Variants in ZRANB3 observed in about 807,000 individuals in gnomAD.
ZRANB3 encodes the protein zinc finger RANBP2-type containing 3, also known as DNA annealing helicase and endonuclease ZRANB3.
A neutral mutation model predicts 133.8 loss-of-function variants in ZRANB3; 125 were observed. That is an observed-to-expected ratio of 0.93 (90% CI 0.81 to 1.08). The LOEUF (loss-of-function observed/expected upper bound fraction) is 1.08. ZRANB3 is among the 50% of genes least tolerant of loss of function. The pLI is 0.00. For missense variants in ZRANB3, 1,229 were observed against 1,275.5 expected, an observed-to-expected ratio of 0.96 and a Z score of 0.56; for synonymous variants, 387 against 432.7, an observed-to-expected ratio of 0.89 and a Z score of 1.31.
Position 135,434,961 on chromosome 2 carries a change from CTCT to C in ZRANB3, c.162-44144_162-44142del, listed in dbSNP as rs373026022. Among the ~76,000 whole-genome samples, 46 of 151,682 alleles carry C rather than the reference CTCT, an allele frequency of 3.0e-4. 1 individual carries two copies. The East Asian group carries it at 8.7e-3, about 29-fold the overall frequency. On this transcript the variant is annotated intron_variant, in intron 2 of 20. Transcript: ENST00000264159. Reference sequence around the variant, plus strand: ...AAAACAGAAAATAATTTTCTTTTCTCTCTTTTTTTTTTAAGAGTTAAACTTTTT... The same window carrying C: ...AAAACAGAAAATAATTTTCTTTTCTCTTTTTTTTTAAGAGTTAAACTTTTT...
intron 6 of ZRANB3, among the ~76,000 whole-genome samples, chr2:135,333,128 A>C (rs1247347477): frequency 1.3e-5 from 2 of 152,182 alleles, no homozygotes; most frequent in Non-Finnish European, 1.5e-5. Context: ...CTACCACACT[A>C]ATCTCATTCT....
chr2:135,316,124 A>G (rs1432034627), intron 6 of ZRANB3, among the ~76,000 whole-genome samples: 1 of 152,254 alleles, frequency 6.6e-6, no homozygotes, highest in Non-Finnish European at 1.5e-5. Context: ...AGAGAGAATG[A>G]GAGGAGACAT....
At chr2:135,294,924 T>G (rs900183809) in intron 8 of ZRANB3, among the ~76,000 whole-genome samples, 1 of 152,232 alleles carries the variant, frequency 6.6e-6, no homozygotes, top group African/African-American at 2.4e-5. Context: ...AGTTTCTTAA[T>G]CCTGAGTTTT....
intron 12 of ZRANB3, among the ~76,000 whole-genome samples, chr2:135,258,806 G>T (rs1679791229): frequency 6.6e-6 from 1 of 152,162 alleles, no homozygotes; most frequent in Non-Finnish European, 1.5e-5. Flanking sequence ...AGAAAGAAGA[G>T]ATTTTGGACA....
chr2:135,515,914 A>G (rs941648600), intron 1 of ZRANB3, among the ~76,000 whole-genome samples: 6 of 152,160 alleles, frequency 3.9e-5, no homozygotes, highest in African/African-American at 1.4e-4. Context: ...TGGAAGTCTA[A>G]GTCTCTTTGT....
At chr2:135,369,917 T>C (rs1049582714) in intron 3 of ZRANB3, among the ~76,000 whole-genome samples, 1 of 152,120 alleles carries the variant, frequency 6.6e-6, no homozygotes, top group Non-Finnish European at 1.5e-5. Flanking sequence ...AATAGTATCA[T>C]AGACTTTATA....
chr2:135,418,936 T>C (rs754998708), intron 2 of ZRANB3, among the ~76,000 whole-genome samples: 5,802 of 103,798 alleles, frequency 0.056, 213 homozygotes, highest in Middle Eastern at 0.13. Flanking sequence ...TTTTTTTTTT[T>C]TTTTTTTTTT....
intron 1 of ZRANB3, among the ~76,000 whole-genome samples, chr2:135,505,303 C>T (rs539910171): frequency 2.0e-5 from 3 of 152,182 alleles, no homozygotes; most frequent in South Asian, 2.1e-4. Flanking sequence ...GGGCCAGGCG[C>T]GGTGGCTCAC....
rs59739293 is a variant in ZRANB3, at chr2:135,287,670, C to CTTT, written c.967-11918_967-11916dup. Among the ~76,000 whole-genome samples, 543 of 98,038 alleles carry CTTT rather than the reference C, an allele frequency of 5.5e-3. 19 individuals carry two copies. Among genetic ancestry groups the CTTT allele is most frequent in the African/African-American group, 0.022 (507 of 22,850 alleles). 64.3% of individuals were successfully genotyped at this position (98,038 alleles called of 152,430 possible). On this transcript the variant is annotated intron_variant, in intron 8 of 20. Transcript: ENST00000264159. ...GTCCTTGGTTAGGTATATTTCTTTC[C>CTTT]TTTTTTTTTTTTTTTTTTGCAGCTA... is the stretch of plus-strand genomic sequence containing the variant.
chr2:135,346,655 C>G (rs1684944512), intron 5 of ZRANB3, among the ~76,000 whole-genome samples: 1 of 151,974 alleles, frequency 6.6e-6, no homozygotes, highest in Non-Finnish European at 1.5e-5. Context: ...CCATGTTGCC[C>G]AGTAAGAAGA....
At chr2:135,459,564 T>C (rs2105014650) in intron 2 of ZRANB3, among the ~76,000 whole-genome samples, 1 of 152,336 alleles carries the variant, frequency 6.6e-6, no homozygotes, top group East Asian at 1.9e-4. Context: ...ATCACTGTCT[T>C]TGATTTTTTT....
rs1299844186 is a variant in ZRANB3, at chr2:135,208,931, T to C, written c.2543A>G (p.Lys848Arg). ...CAGACGGACATGGCCCCCAACATTC[T>C]TCACTTTGTCCATTGAGGCTACGGC... ...DVAVASMDKV[K>R]NVGGHVRLIT... Residue 848 changes from lysine (K) to arginine (R), a missense_variant, in exon 18 of 21, where the codon AAG (lysine) becomes AGG (arginine). Lys to Arg is a conservative substitution (Grantham distance 26, BLOSUM62 2). Transcript: ENST00000264159. 1.2e-6 allele frequency: 2 copies of C among 1,614,032 alleles called. No individual in the cohort carries two copies. The highest frequency in any genetic ancestry group is 8.5e-7 in the Non-Finnish European group (1 of 1,179,894).
intron 12 of ZRANB3, among the ~76,000 whole-genome samples, chr2:135,242,890 G>A (rs1304241134): frequency 3.3e-5 from 5 of 152,000 alleles, no homozygotes; most frequent in Admixed American, 2.6e-4. Context: ...TGAGCACACT[G>A]TTTTTACTTA....
Position 135,504,250 on chromosome 2 carries a change from A to G in ZRANB3, c.161+79T>C, listed in dbSNP as rs758621783. On this transcript the variant is annotated intron_variant, in intron 2 of 20. Coordinates refer to ENST00000264159, the MANE Select transcript of ZRANB3 (RefSeq NM_032143.4). ...AAAGAAAGACTGTGAATACACGAAA[A>G]GAAAGTTTGAACAGAACTTTGTTTT... The G allele has an allele frequency of 1.1e-5, 17 of 1,557,088 alleles. No homozygotes were observed. In the Admixed American group the frequency reaches 1.7e-4, roughly 15 times the overall value.
intron 8 of ZRANB3, among the ~76,000 whole-genome samples, chr2:135,284,804 T>C (rs1573828628): frequency 6.6e-6 from 1 of 151,000 alleles, no homozygotes; most frequent in Middle Eastern, 3.5e-3. Context: ...TCACTTCCTT[T>C]CCTTTTGTAA....
At chr2:135,320,499 AATT>A (rs1683472707) in intron 6 of ZRANB3, among the ~76,000 whole-genome samples, 1 of 152,336 alleles carries the variant, frequency 6.6e-6, no homozygotes. Flanking sequence ...AGCTTAGAAT[AATT>A]ATTTTCTCAT....
intron 2 of ZRANB3, among the ~76,000 whole-genome samples, chr2:135,424,034 C>T (rs1688969657): frequency 1.3e-5 from 2 of 152,112 alleles, no homozygotes; most frequent in African/African-American, 4.8e-5. Flanking sequence ...CAGCTAATAA[C>T]ATGAAAGACA....
intron 2 of ZRANB3, among the ~76,000 whole-genome samples, chr2:135,447,256 C>A (rs1031675633): frequency 6.6e-6 from 1 of 152,132 alleles, no homozygotes; most frequent in African/African-American, 2.4e-5. Flanking sequence ...CCAGGCTGGT[C>A]TTGAACTCCT....
intron 6 of ZRANB3, among the ~76,000 whole-genome samples, chr2:135,336,524 T>C (rs1358103607): frequency 2.0e-5 from 3 of 152,152 alleles, no homozygotes; most frequent in African/African-American, 7.2e-5. Flanking sequence ...TATGGAACCA[T>C]AGTGCTTTCA....
Sources: allele counts gnomAD v4.1 joint callset (sites outside exome capture counted in the v4.1 genomes callset), GRCh38; gene constraint gnomAD v4.1.1; transcripts MANE v1.5; gene names NCBI Gene and HGNC (gene_info 2026-07-23, HGNC 2026-07-21).